The following HTR2C variants were observed in gnomAD, a reference collection of about 807,000 sequenced individuals.
The protein encoded by HTR2C is 5-hydroxytryptamine receptor 2C.
HTR2C carries 5 observed loss-of-function variants against 21.0 expected under a neutral mutation model. The observed-to-expected ratio is 0.24, with a 90% CI of 0.12 to 0.50. The LOEUF is 0.50. HTR2C is among the 20% of genes least tolerant of loss of function. HTR2C has a pLI of 0.98. For synonymous variants in HTR2C, 150 were observed against 145.3 expected, an observed-to-expected ratio of 1.03 and a Z score of -0.23; for missense variants, 271 against 371.2, an observed-to-expected ratio of 0.73 and a Z score of 2.22.
intron 4 of HTR2C, among the ~76,000 whole-genome samples, chrX:114,774,218 C>T (rs2070033680): frequency 9.0e-6 from 1 of 111,387 alleles, no homozygotes; most frequent in East Asian, 2.8e-4. Context: ...TAATGAACAA[C>T]ATGAGGTTAT....
chrX:114,600,088 A>G (rs1460483614), intron 1 of HTR2C, among the ~76,000 whole-genome samples: 1 of 111,970 alleles, frequency 8.9e-6, no homozygotes, highest in Non-Finnish European at 1.9e-5. Flanking sequence ...TATCCTACTC[A>G]GTGCGTGTTG....
At chrX:114,897,765 C>T (rs1342547908) in intron 5 of HTR2C, among the ~76,000 whole-genome samples, 2 of 112,481 alleles carry the variant, frequency 1.8e-5, no homozygotes, top group East Asian at 2.8e-4. Context: ...CATAGTATTC[C>T]GTGGTTTATA....
At chrX:114,838,540 C>G (rs1306985218) in intron 4 of HTR2C, among the ~76,000 whole-genome samples, 3 of 112,145 alleles carry the variant, frequency 2.7e-5, no homozygotes, top group Non-Finnish European at 5.6e-5. Flanking sequence ...TGTATTCAGT[C>G]TTTGCCTTTT....
intron 4 of HTR2C, among the ~76,000 whole-genome samples, chrX:114,824,287 T>C (rs1295370925): frequency 1.8e-5 from 2 of 111,724 alleles, no homozygotes; most frequent in Non-Finnish European, 3.8e-5. Context: ...GGCCCAGCTC[T>C]TAAAAACATA....
intron 2 of HTR2C, among the ~76,000 whole-genome samples, chrX:114,704,865 G>C: frequency 9.4e-6 from 1 of 106,183 alleles, no homozygotes; most frequent in African/African-American, 3.4e-5. Flanking sequence ...AAAGTCTCAG[G>C]ATACAAAATC....
chrX:114,607,914 G>A (rs938634179), intron 1 of HTR2C, among the ~76,000 whole-genome samples: 27 of 111,195 alleles, frequency 2.4e-4, no homozygotes, highest in African/African-American at 8.2e-4. Context: ...CTGGAACCGG[G>A]AGGTGGAGGC....
intron 2 of HTR2C, among the ~76,000 whole-genome samples, chrX:114,616,703 T>G (rs782792417): frequency 5.3e-5 from 6 of 112,369 alleles, no homozygotes; most frequent in African/African-American, 1.6e-4. Context: ...GTGCTATAGA[T>G]GTATGTATAT....
At chrX:114,585,916 G>T (rs1333830855) in intron 1 of HTR2C, among the ~76,000 whole-genome samples, 11 of 110,115 alleles carry the variant, frequency 1.0e-4, no homozygotes, top group Non-Finnish European at 1.7e-4. Context: ...AGATGATTTG[G>T]GGGGCGGGGG....
intron 1 of HTR2C, among the ~76,000 whole-genome samples, chrX:114,592,150 A>G (rs1927659839): frequency 8.9e-6 from 1 of 112,327 alleles, no homozygotes; most frequent in South Asian, 3.7e-4. Context: ...CACAAATTGT[A>G]TAATATATAA....
chrX:114,739,697 T>C (rs1262610266), intron 4 of HTR2C, among the ~76,000 whole-genome samples: 2 of 111,941 alleles, frequency 1.8e-5, no homozygotes, highest in Non-Finnish European at 3.8e-5. Flanking sequence ...GCAAAATATA[T>C]TGCAAAGGGC....
intron 4 of HTR2C, among the ~76,000 whole-genome samples, chrX:114,802,122 T>G (rs1439597954): frequency 9.0e-6 from 1 of 111,277 alleles, no homozygotes; most frequent in East Asian, 2.8e-4. Flanking sequence ...TCAAGAGATC[T>G]GCCTAATAAA....
At chrX:114,746,081 T>C (rs782109447) in intron 4 of HTR2C, among the ~76,000 whole-genome samples, 9 of 111,535 alleles carry the variant, frequency 8.1e-5, no homozygotes, top group African/African-American at 2.0e-4. Flanking sequence ...CCTGTAAATA[T>C]ATACACACTA....
chrX:114,669,532 A>G (rs1931293427), intron 2 of HTR2C, among the ~76,000 whole-genome samples: 1 of 111,773 alleles, frequency 8.9e-6, no homozygotes, highest in African/African-American at 3.3e-5. Context: ...GTTGTTGAAC[A>G]AATTAAGCTT....
At chrX:114,736,529 A>G (rs894760213) in intron 4 of HTR2C, among the ~76,000 whole-genome samples, 2 of 112,212 alleles carry the variant, frequency 1.8e-5, no homozygotes, top group Non-Finnish European at 3.8e-5. Context: ...TCTGCATCCA[A>G]TAACACAGAA....
intron 2 of HTR2C, among the ~76,000 whole-genome samples, chrX:114,617,943 C>T (rs1929012840): frequency 9.0e-6 from 1 of 111,701 alleles, no homozygotes; most frequent in Admixed American, 9.6e-5. Flanking sequence ...GAGAGGTACT[C>T]AATCAGGAAT....
At chrX:114,605,347 G>T (rs1455888155) in intron 1 of HTR2C, among the ~76,000 whole-genome samples, 1 of 109,707 alleles carries the variant, frequency 9.1e-6, no homozygotes, top group African/African-American at 3.3e-5. Context: ...GCTCGGCATG[G>T]CGAGGAGCAG....
intron 5 of HTR2C, among the ~76,000 whole-genome samples, chrX:114,882,212 TTC>T (rs1442452545): frequency 9.0e-6 from 1 of 110,930 alleles, no homozygotes; most frequent in Non-Finnish European, 1.9e-5. Context: ...CATGCAAACT[TTC>T]TGAGTTCATT....
chrX:114,721,705 G>A (rs1331122375), intron 2 of HTR2C, among the ~76,000 whole-genome samples: 1 of 109,862 alleles, frequency 9.1e-6, no homozygotes, highest in African/African-American at 3.3e-5. Context: ...TAAGGTGTAA[G>A]GAAGGGATCC....
chrX:114,902,891 G>A (rs931866035), intron 5 of HTR2C, among the ~76,000 whole-genome samples: 11 of 112,068 alleles, frequency 9.8e-5, no homozygotes, highest in African/African-American at 3.2e-4. Context: ...GATTACAGGC[G>A]TGAGCCACTG....
Sources: allele counts gnomAD v4.1 joint callset (sites outside exome capture counted in the v4.1 genomes callset), GRCh38; gene constraint gnomAD v4.1.1; transcripts MANE v1.5; gene names NCBI Gene and HGNC (gene_info 2026-07-23, HGNC 2026-07-21).